The following KIF11 variants were observed in gnomAD, a reference collection of about 807,000 sequenced individuals.
The protein encoded by KIF11 is kinesin family member 11.
KIF11 carries 9 observed loss-of-function variants against 121.0 expected under a neutral mutation model. The ratio of observed to expected loss-of-function variants is 0.07; its 90% confidence interval spans 0.04 to 0.13. The LOEUF is 0.13. Among genes scored for constraint, KIF11 ranks in the 10% least tolerant of loss-of-function variants. KIF11 has a pLI of 1.00. For synonymous variants in KIF11, 408 were observed against 421.0 expected, an observed-to-expected ratio of 0.97 and a Z score of 0.38; for missense variants, 846 against 1,217.5, an observed-to-expected ratio of 0.69 and a Z score of 4.54.
At chr10:92,602,833 T>TACAC (rs770378243) in intron 1 of KIF11, among the ~76,000 whole-genome samples, 84 of 119,006 alleles carry the variant, frequency 7.1e-4, no homozygotes, top group Middle Eastern at 4.1e-3. Flanking sequence ...CACGTGTGTG[T>TACAC]GTGTGTGTGT....
intron 12 of KIF11, among the ~76,000 whole-genome samples, chr10:92,630,792 G>A (rs574178788): frequency 6.0e-5 from 9 of 150,964 alleles, no homozygotes; most frequent in South Asian, 2.1e-4. Context: ...ACTTGAACCC[G>A]GGAGGCAGAG....
At position 92,637,187 on chromosome 10, in the gene KIF11, G is replaced by T. The variant is rs142601912; in HGVS notation, c.1879G>T (p.Val627Leu). ...ATTTGTTTATTTCTGAAACCAGAAT[G>T]TACTCAAGACTGATCTTCTAAGTTC... ...SKTVLQELIN[V>L]LKTDLLSSLE... The change falls in exon 15 of 22, where the codon GTA becomes TTA. Residue 627 changes from valine (V) to leucine (L), a missense_variant. Val to Leu is a conservative substitution (Grantham distance 32, BLOSUM62 1). Transcript: ENST00000260731. The T allele has an allele frequency of 2.5e-4, 398 of 1,579,086 alleles. No individual in the cohort carries two copies. In the African/African-American group the frequency reaches 4.9e-3, roughly 19 times the overall value.
At position 92,606,304 on chromosome 10, in the gene KIF11, A is replaced by C; in HGVS notation, c.117A>C (p.Ser39=). The change falls in exon 2 of 22, where the codon TCA becomes TCC. Residue 39 remains serine, a synonymous_variant. Transcript: ENST00000260731. ...NLAERKASAH[S]IVECDPVRKE... is the part of the protein sequence containing the mutation. The stretch of plus-strand genomic sequence containing the variant: ...CAGAGCGGAAAGCTAGCGCCCATTC[A>C]ATAGTAGAATGTGATCCTGTACGAA... 6.2e-7 allele frequency: 1 copy of C among 1,607,756 alleles called. No homozygotes were observed. Among genetic ancestry groups the C allele is most frequent in the Non-Finnish European group, 8.5e-7 (1 of 1,178,552 alleles).
At position 92,624,901 on chromosome 10, in the gene KIF11, C is replaced by T. The variant is rs1191538034; in HGVS notation, c.1217+3428C>T. On this transcript the variant is annotated intron_variant, in intron 10 of 21. Coordinates refer to ENST00000260731, the MANE Select transcript of KIF11 (RefSeq NM_004523.4). ...TCTCCTACCTCCGCCTCCCAAGTAT[C>T]TGGGATTATAGGCACCCACCACCGC... Among the ~76,000 whole-genome samples the T allele has an allele frequency of 4.6e-5, 7 of 151,716 alleles. No individual in the cohort carries two copies. In the East Asian group the frequency reaches 1.4e-3, roughly 30 times the overall value.
chr10:92,639,140 A>G (rs1490942975), intron 16 of KIF11, among the ~76,000 whole-genome samples: 4 of 152,210 alleles, frequency 2.6e-5, no homozygotes, highest in Non-Finnish European at 5.9e-5. Flanking sequence ...TTTCCCTTCT[A>G]GCAGTGTTAT....
intron 1 of KIF11, among the ~76,000 whole-genome samples, chr10:92,602,753 A>G (rs1310163814): frequency 6.6e-6 from 1 of 150,940 alleles, no homozygotes; most frequent in East Asian, 2.0e-4. Context: ...CATTTTCATT[A>G]ATCTCTAAAA....
chr10:92,651,514 T>G (rs1173181982), intron 21 of KIF11, among the ~76,000 whole-genome samples: 12 of 44,350 alleles, frequency 2.7e-4, no homozygotes, highest in Non-Finnish European at 4.3e-4. Flanking sequence ...TTTGTTTTTT[T>G]TTTTTTTTTT....
chr10:92,616,192 TTTTTG>T (rs775484943), intron 8 of KIF11, among the ~76,000 whole-genome samples: 6 of 151,954 alleles, frequency 3.9e-5, no homozygotes, highest in African/African-American at 1.4e-4. Context: ...CTTTGTGGTT[TTTTTG>T]TTTTGTTTTG....
In KIF11 at chr10:92,628,790, T is replaced by C. The variant is rs369892310; in HGVS notation, c.1218-18T>C. On this transcript the variant is annotated intron_variant, in intron 10 of 21. Coordinates refer to ENST00000260731, the MANE Select transcript of KIF11 (RefSeq NM_004523.4). ...AAAAAAATATTAACTGTTAAACTCATATTAAACTTTATTTTAGAGTCATGA... is the reference window on the plus strand; with the variant it reads ...AAAAAAATATTAACTGTTAAACTCACATTAAACTTTATTTTAGAGTCATGA... 2.7e-4 allele frequency: 360 copies of C among 1,346,492 alleles called. No individual in the cohort carries two copies. The highest frequency in any genetic ancestry group is 3.5e-4 in the Non-Finnish European group (336 of 950,204). 83.4% of individuals were successfully genotyped at this position (1,346,492 alleles called of 1,614,324 possible).
Position 92,654,309 on chromosome 10 carries a change from C to A in KIF11, c.*513C>A, listed in dbSNP as rs916365430. 6.6e-6 allele frequency: 1 copy of A among 152,268 alleles called. No individual in the cohort carries two copies. Among genetic ancestry groups the A allele is most frequent in the African/African-American group, 2.4e-5 (1 of 41,438 alleles). The allele number at this position is 152,268 out of a possible 1,614,324, so 9.4% of individuals were successfully genotyped here. A position where few individuals can be genotyped will look rare whatever the true frequency, so the allele number is the denominator to read the frequency against. On this transcript the variant is annotated 3_prime_UTR_variant, in exon 22 of 22. Transcript: ENST00000260731. ...TCATTTGGGATTTGCAATGTAAATA[C>A]GTATTTCTAGTTTTCATATAAAGTA...
intron 14 of KIF11, among the ~76,000 whole-genome samples, 178 bp downstream of exon 14, chr10:92,633,973 A>G (rs979699413): frequency 4.0e-5 from 6 of 151,896 alleles, no homozygotes; most frequent in Admixed American, 6.6e-5. Flanking sequence ...ATATATATAT[A>G]TTTTGTTTTG....
chr10:92,633,505 C>A, intron 13 of KIF11, 118 bp from the exon 14 acceptor site: 1 of 693,628 alleles, frequency 1.4e-6, no homozygotes, highest in Non-Finnish European at 2.4e-6. Flanking sequence ...TTCTTTTAAG[C>A]TCGTTATTAC....
At chr10:92,597,082 A>C (rs1231034050) in intron 1 of KIF11, 2 of 357,144 alleles carry the variant, frequency 5.6e-6, no homozygotes, top group Non-Finnish European at 1.1e-5. Flanking sequence ...CTTGATTCAC[A>C]CTCCTGCATC....
intron 17 of KIF11, among the ~76,000 whole-genome samples, chr10:92,641,414 T>A (rs1400504884): frequency 6.6e-6 from 1 of 152,202 alleles, no homozygotes; most frequent in Non-Finnish European, 1.5e-5. Flanking sequence ...GATTTCCCCT[T>A]CATTCCTGAA....
At chr10:92,639,219 G>C (rs969256657) in intron 16 of KIF11, among the ~76,000 whole-genome samples, 14 of 152,172 alleles carry the variant, frequency 9.2e-5, no homozygotes, top group African/African-American at 3.4e-4. Flanking sequence ...TGGGTTGTTT[G>C]ATTAGTTTTG....
chr10:92,643,555 A>AC (rs1554862677), intron 17 of KIF11, among the ~76,000 whole-genome samples: 2 of 123,460 alleles, frequency 1.6e-5, no homozygotes, highest in Non-Finnish European at 3.3e-5. Flanking sequence ...TATCTACTAG[A>AC]TTTTTTTTTT....
chr10:92,628,874 T>C lies in KIF11; in HGVS notation c.1284T>C (p.Ala428=). The change falls in exon 11 of 22, where the codon GCT becomes GCC. Residue 428 remains alanine (A), a synonymous_variant. Coordinates refer to ENST00000260731, the MANE Select transcript of KIF11 (RefSeq NM_004523.4). The part of the protein sequence containing the change: ...QIVELIEKIG[A]VEEELNRVTE... ...TAGAATTGATTGAAAAAATTGGTGCTGTTGAGGAGGAGCTGAATAGGGTAA... is the reference window on the plus strand; with the variant it reads ...TAGAATTGATTGAAAAAATTGGTGCCGTTGAGGAGGAGCTGAATAGGGTAA... 2 of 1,596,608 alleles carry C rather than the reference T, an allele frequency of 1.3e-6. No homozygotes were observed. Among genetic ancestry groups the C allele is most frequent in the East Asian group, 4.5e-5 (2 of 44,726 alleles).
chr10:92,596,077 C>T (rs1306237264), intron 1 of KIF11, among the ~76,000 whole-genome samples: 2 of 152,174 alleles, frequency 1.3e-5, no homozygotes, highest in Admixed American at 1.3e-4. Context: ...TCTTGGCTCA[C>T]ACTGCAAGCT....
chr10:92,624,150 T>G (rs1428746867), intron 10 of KIF11, among the ~76,000 whole-genome samples: 1 of 152,104 alleles, frequency 6.6e-6, no homozygotes, highest in Non-Finnish European at 1.5e-5. Context: ...GGTGTTTGGT[T>G]TTCTGTTCCT....
Sources: allele counts gnomAD v4.1 joint callset (sites outside exome capture counted in the v4.1 genomes callset), GRCh38; gene constraint gnomAD v4.1.1; transcripts MANE v1.5; gene names NCBI Gene and HGNC (gene_info 2026-07-23, HGNC 2026-07-21).